The following MACROD2 variants were observed in gnomAD, a reference collection of about 807,000 sequenced individuals.
MACROD2 encodes mono-ADP ribosylhydrolase 2, also known as ADP-ribose glycohydrolase MACROD2.
A neutral mutation model predicts 70.4 loss-of-function variants in MACROD2; 36 were observed. The ratio of observed to expected loss-of-function variants is 0.51; its 90% CI spans 0.39 to 0.68. MACROD2 has a LOEUF of 0.68. Among genes scored for constraint, MACROD2 ranks in the 30% least tolerant of loss-of-function variants. MACROD2 has a pLI of 0.00. For synonymous variants in MACROD2, 172 were observed against 178.8 expected, an observed-to-expected ratio of 0.96 and a Z score of 0.30; for missense variants, 496 against 538.4, an observed-to-expected ratio of 0.92 and a Z score of 0.78.
intron 5 of MACROD2, among the ~76,000 whole-genome samples, chr20:14,849,631 A>C (rs1451065766): frequency 6.6e-6 from 1 of 152,040 alleles, no homozygotes; most frequent in African/African-American, 2.4e-5. Flanking sequence ...AATACAAAAA[A>C]TTAGCCGAGT....
chr20:14,213,252 T>C (rs1195877944), intron 3 of MACROD2, among the ~76,000 whole-genome samples: 1 of 145,072 alleles, frequency 6.9e-6, no homozygotes, highest in Non-Finnish European at 1.5e-5. Context: ...TCTAATGAAA[T>C]TCACTAACCA....
intron 3 of MACROD2, among the ~76,000 whole-genome samples, chr20:14,097,105 G>A (rs1455517211): frequency 1.3e-5 from 2 of 152,130 alleles, no homozygotes; most frequent in Non-Finnish European, 2.9e-5. Flanking sequence ...AATATTATGG[G>A]TAGTAGGTGT....
At chr20:15,835,850 T>C (rs1262495040) in intron 8 of MACROD2, among the ~76,000 whole-genome samples, 1 of 152,198 alleles carries the variant, frequency 6.6e-6, no homozygotes, top group African/African-American at 2.4e-5. Flanking sequence ...CAGCAATACT[T>C]AATATGCACT....
chr20:15,512,080 C>A (rs1328671934), intron 8 of MACROD2, among the ~76,000 whole-genome samples: 5 of 152,188 alleles, frequency 3.3e-5, no homozygotes, highest in Admixed American at 3.3e-4. Context: ...GAGAGTAAAT[C>A]TCTCCTCTCA....
At chr20:15,707,883 A>T (rs1485460121) in intron 8 of MACROD2, among the ~76,000 whole-genome samples, 1 of 152,062 alleles carries the variant, frequency 6.6e-6, no homozygotes, top group Non-Finnish European at 1.5e-5. Flanking sequence ...CAAATGCCAT[A>T]GAGAATAGAG....
At chr20:14,930,513 C>T (rs910225178) in intron 5 of MACROD2, among the ~76,000 whole-genome samples, 5 of 152,104 alleles carry the variant, frequency 3.3e-5, no homozygotes, top group African/African-American at 7.2e-5. Flanking sequence ...CTTCTCTTTA[C>T]TTTAGCATTT....
intron 8 of MACROD2, among the ~76,000 whole-genome samples, chr20:15,690,362 T>C (rs1296395148): frequency 2.0e-5 from 3 of 152,186 alleles, no homozygotes; most frequent in Non-Finnish European, 2.9e-5. Flanking sequence ...AGGAAAATGA[T>C]GCACTGTGGT....
intron 3 of MACROD2, among the ~76,000 whole-genome samples, chr20:14,089,150 G>C (rs760674851): frequency 1.7e-3 from 253 of 152,278 alleles, no homozygotes; most frequent in Non-Finnish European, 1.3e-3. Context: ...CACCTCTCTG[G>C]TTGTGATGAT....
intron 8 of MACROD2, among the ~76,000 whole-genome samples, chr20:15,698,701 G>A (rs2050412341): frequency 6.6e-6 from 1 of 151,986 alleles, no homozygotes; most frequent in Admixed American, 6.6e-5. Flanking sequence ...TCTTCCTCAG[G>A]AACACTGATT....
At chr20:15,308,229 C>G (rs1489379992) in intron 6 of MACROD2, among the ~76,000 whole-genome samples, 1 of 151,982 alleles carries the variant, frequency 6.6e-6, no homozygotes, top group African/African-American at 2.4e-5. Flanking sequence ...ACTTTTTACC[C>G]AATAGTTTTA....
intron 4 of MACROD2, among the ~76,000 whole-genome samples, chr20:14,511,701 A>T (rs1031940157): frequency 3.3e-5 from 5 of 151,822 alleles, no homozygotes; most frequent in Non-Finnish European, 7.4e-5. Flanking sequence ...CTAGAACCCA[A>T]TTTTTTTCAG....
intron 10 of MACROD2, among the ~76,000 whole-genome samples, chr20:15,908,237 A>T (rs2065179214): frequency 6.6e-6 from 1 of 152,166 alleles, no homozygotes. Flanking sequence ...TGGGGGGAAA[A>T]GTACTAAGGA....
intron 3 of MACROD2, among the ~76,000 whole-genome samples, chr20:14,330,165 C>T (rs1275380422): frequency 1.3e-5 from 2 of 151,964 alleles, no homozygotes; most frequent in Non-Finnish European, 2.9e-5. Context: ...TGAATATTGC[C>T]AGTTTTTAAT....
intron 13 of MACROD2, among the ~76,000 whole-genome samples, chr20:15,985,628 C>G (rs146593489): frequency 6.6e-6 from 1 of 152,200 alleles, no homozygotes; most frequent in African/African-American, 2.4e-5. Flanking sequence ...ATTTCCTACC[C>G]GGGAGTGCTC....
intron 6 of MACROD2, among the ~76,000 whole-genome samples, chr20:15,365,436 C>T (rs534131304): frequency 1.4e-4 from 21 of 152,080 alleles, no homozygotes; most frequent in East Asian, 3.9e-4. Flanking sequence ...GAGGCCAAGG[C>T]GGGTGGATCA....
intron 8 of MACROD2, among the ~76,000 whole-genome samples, chr20:15,728,517 T>C (rs1452308672): frequency 6.6e-6 from 1 of 152,162 alleles, no homozygotes; most frequent in African/African-American, 2.4e-5. Flanking sequence ...GTCTGTGAAT[T>C]TGTCTGATCC....
intron 5 of MACROD2, among the ~76,000 whole-genome samples, chr20:14,744,710 G>C (rs1010113465): frequency 2.0e-5 from 3 of 152,056 alleles, no homozygotes; most frequent in African/African-American, 7.2e-5. Context: ...TTTTGCATTC[G>C]ACTTGCTCTT....
chr20:15,823,275 C>CGTGTGT (rs11471023), intron 8 of MACROD2, among the ~76,000 whole-genome samples: 2,316 of 128,604 alleles, frequency 0.018, 32 homozygotes, highest in South Asian at 0.019. Context: ...GTGAGCTCTT[C>CGTGTGT]GTGTGTGTGT....
At chr20:14,864,965 A>G (rs1265837989) in intron 5 of MACROD2, among the ~76,000 whole-genome samples, 2 of 152,118 alleles carry the variant, frequency 1.3e-5, no homozygotes, top group East Asian at 3.9e-4. Flanking sequence ...CACATAATAT[A>G]GGAGCTTCCA....
Sources: allele counts gnomAD v4.1 joint callset (sites outside exome capture counted in the v4.1 genomes callset), GRCh38; gene constraint gnomAD v4.1.1; transcripts MANE v1.5; gene names NCBI Gene and HGNC (gene_info 2026-07-23, HGNC 2026-07-21).